MPHOSPH9: variants seen among roughly 807,000 people sequenced by gnomAD.
The protein encoded by MPHOSPH9 is M-phase phosphoprotein 9.
A neutral mutation model predicts 145.5 loss-of-function variants in MPHOSPH9; 88 were observed. That is an observed-to-expected ratio of 0.60 (90% confidence interval 0.51 to 0.72). The LOEUF (loss-of-function observed/expected upper bound fraction) is 0.72. Ranked by LOEUF, MPHOSPH9 falls within the 30% of genes least tolerant of loss-of-function variation. The probability of loss-of-function intolerance (pLI) is 0.00; values close to 1 mark genes in which losing one functional copy is unlikely to be tolerated. For missense variants in MPHOSPH9, 1,238 were observed against 1,386.6 expected (o/e 0.89, Z 1.70); for synonymous variants, 435 against 486.2 (o/e 0.89, Z 1.39).
rs372786238 is a variant in MPHOSPH9, at chr12:123,212,648, T to C, written c.1087+2096A>G. Among the ~76,000 whole-genome samples the C allele has an allele frequency of 2.9e-5, 4 of 136,942 alleles. No individual in the cohort carries two copies. In the South Asian group the frequency reaches 9.8e-4, roughly 34 times the overall value. 89.8% of individuals were successfully genotyped at this position (136,942 alleles called of 152,430 possible). On this transcript the variant is annotated intron_variant, in intron 7 of 23. Coordinates refer to ENST00000606320, the MANE Select transcript of MPHOSPH9 (RefSeq NM_022782.4). ...ATCACTTGAATCTGGCAAGCGGAGG[T>C]TACAGTAAGCCGAGATCACACCATC...
chr12:123,218,412 T>A lies in MPHOSPH9; in HGVS notation c.960A>T (p.Gln320His). The part of the protein sequence containing the change: ...HVEDGGSRSK[Q>H]GNEQSKKTPI... ...GTGTCTTCTTACTTTGCTCATTTCC[T>A]TGTTTAGATCTTGAACCTCCATCTT... Residue 320 changes from glutamine (Q) to histidine (H), a missense_variant, in exon 6 of 24, where the codon CAA (glutamine) becomes CAT (histidine). By Grantham distance (24) the Gln-to-His change is conservative. Around this residue, in one of 3 missense-constraint regions of MPHOSPH9, gnomAD observed 837 missense variants for 897.5 expected, o/e 0.93. Transcript: ENST00000606320. 1 of 1,614,166 alleles carries A rather than the reference T, an allele frequency of 6.2e-7. No individual in the cohort carries two copies.
At chr12:123,181,463 T>C (rs1231356772) in intron 13 of MPHOSPH9, among the ~76,000 whole-genome samples, 3 of 151,978 alleles carry the variant, frequency 2.0e-5, no homozygotes, top group Admixed American at 2.0e-4. Context: ...TCTCAACACT[T>C]TGGGAGGCTG....
intron 15 of MPHOSPH9, 65 bp downstream of exon 15, chr12:123,179,861 G>T: frequency 1.2e-6 from 1 of 867,258 alleles, no homozygotes; most frequent in Non-Finnish European, 1.7e-6. Flanking sequence ...TTCTCATCAT[G>T]TTCAATACAG....
intron 11 of MPHOSPH9, among the ~76,000 whole-genome samples, chr12:123,199,788 CAA>C (rs760965085): frequency 2.9e-4 from 24 of 83,430 alleles, no homozygotes; most frequent in Admixed American, 2.7e-4. Context: ...GACTCCATCT[CAA>C]AAAAAAAAAA....
Position 123,218,394 on chromosome 12 carries a change from C to G in MPHOSPH9, c.978G>C (p.Lys326Asn). Residue 326 changes from lysine to asparagine, a missense_variant, in exon 6 of 24, where the codon AAG becomes AAC. Lys to Asn is a moderately conservative substitution (Grantham distance 94). Transcript: ENST00000606320. ...CACCTACTTTCTCAATTGGTGTCTT[C>G]TTACTTTGCTCATTTCCTTGTTTAG... Reference protein sequence around the residue: ...SRSKQGNEQSKKTPIEKSDFA... With the variant: ...SRSKQGNEQSNKTPIEKSDFA... 6.2e-7 allele frequency: 1 copy of G among 1,614,088 alleles called. No individual in the cohort carries two copies. The highest frequency in any genetic ancestry group is 8.5e-7 in the Non-Finnish European group (1 of 1,179,954).
chr12:123,227,716 C>A, intron 2 of MPHOSPH9, 100 bp from the exon 3 acceptor site: 2 of 986,744 alleles, frequency 2.0e-6, no homozygotes, highest in African/African-American at 1.7e-5. Flanking sequence ...AAACCACTGA[C>A]ATTTAATCCT....
At chr12:123,164,803 G>A (rs1386633516) in intron 18 of MPHOSPH9, among the ~76,000 whole-genome samples, 1 of 152,182 alleles carries the variant, frequency 6.6e-6, no homozygotes. Context: ...GAAGCCAGGA[G>A]TTCGAGACCA....
upstream of MPHOSPH9, among the ~76,000 whole-genome samples, chr12:123,237,279 A>G (rs1475843465): frequency 6.6e-6 from 1 of 151,818 alleles, no homozygotes; most frequent in Non-Finnish European, 1.5e-5. Flanking sequence ...AAAAATACAA[A>G]ATTAGCCGGG....
chr12:123,186,697 A>T (rs1319702289), intron 13 of MPHOSPH9, among the ~76,000 whole-genome samples: 1 of 152,238 alleles, frequency 6.6e-6, no homozygotes, highest in Non-Finnish European at 1.5e-5. Flanking sequence ...ACAGGGGCTC[A>T]TTCCTGTAAT....
At chr12:123,192,489 A>G (rs191157299) in intron 13 of MPHOSPH9, among the ~76,000 whole-genome samples, 4 of 151,436 alleles carry the variant, frequency 2.6e-5, no homozygotes, top group African/African-American at 9.7e-5. Context: ...TTGTCAGGGC[A>G]TAGTGGCATG....
At chr12:123,209,387 T>C (rs935643771) in intron 8 of MPHOSPH9, among the ~76,000 whole-genome samples, 2 of 152,000 alleles carry the variant, frequency 1.3e-5, no homozygotes, top group Admixed American at 6.6e-5. Flanking sequence ...TTAGCAACAA[T>C]TGTAAAACAC....
At chr12:123,178,005 C>T (rs561758062) in intron 15 of MPHOSPH9, among the ~76,000 whole-genome samples, 2 of 152,338 alleles carry the variant, frequency 1.3e-5, no homozygotes, top group South Asian at 2.1e-4. Flanking sequence ...CTCTGGCCAA[C>T]TGACTATTTT....
intron 8 of MPHOSPH9, among the ~76,000 whole-genome samples, chr12:123,205,613 T>C (rs1763351623): frequency 6.6e-6 from 1 of 151,914 alleles, no homozygotes; most frequent in African/African-American, 2.4e-5. Context: ...GCCAATAACC[T>C]AAAGAAGCCT....
chr12:123,219,266 T>G (rs540787490), intron 5 of MPHOSPH9, among the ~76,000 whole-genome samples: 1 of 152,064 alleles, frequency 6.6e-6, no homozygotes, highest in South Asian at 2.1e-4. Flanking sequence ...CATTACTTTT[T>G]TCAATTTCTT....
At chr12:123,191,624 T>C (rs1263407139) in intron 13 of MPHOSPH9, among the ~76,000 whole-genome samples, 6 of 152,158 alleles carry the variant, frequency 3.9e-5, no homozygotes, top group African/African-American at 1.4e-4. Flanking sequence ...GAATACCATT[T>C]TCCATGAAAA....
chr12:123,221,199 G>T (rs566488665), intron 5 of MPHOSPH9, among the ~76,000 whole-genome samples, 173 bp downstream of exon 5: 1 of 152,164 alleles, frequency 6.6e-6, no homozygotes, highest in Non-Finnish European at 1.5e-5. Flanking sequence ...TAACATTACA[G>T]ATGGGAAGAA....
At position 123,156,645 on chromosome 12, in the gene MPHOSPH9, T is replaced by G; in HGVS notation, c.*162A>C. 2.2e-6 allele frequency: 1 copy of G among 454,656 alleles called. No individual in the cohort carries two copies. 28.2% of individuals were successfully genotyped at this position (454,656 alleles called of 1,614,324 possible). A position where few individuals can be genotyped will look rare whatever the true frequency, so the allele number is the denominator to read the frequency against. On this transcript the variant is annotated 3_prime_UTR_variant, in exon 24 of 24. Coordinates refer to ENST00000606320, the MANE Select transcript of MPHOSPH9 (RefSeq NM_022782.4). Reference sequence around the variant, plus strand: ...GAGCATAACAAAAATATCTTGAAAATATGTGGCCATTTGAAGTATAAAATA... The same window carrying G: ...GAGCATAACAAAAATATCTTGAAAAGATGTGGCCATTTGAAGTATAAAATA...
chr12:123,195,458 C>T (rs968218021), intron 12 of MPHOSPH9, among the ~76,000 whole-genome samples: 6 of 151,900 alleles, frequency 3.9e-5, no homozygotes, highest in South Asian at 2.1e-4. Context: ...TAATGGCAGG[C>T]GCCTGTAATC....
exon 1 of MPHOSPH9, chr12:123,243,990 A>T (rs1332956413): frequency 6.6e-6 from 1 of 152,326 alleles, no homozygotes; most frequent in Non-Finnish European, 1.5e-5. Flanking sequence ...GGCTGGGAGC[A>T]AAGCTGTGGA....
Sources: gnomAD v4.1 joint callset for allele counts (sites outside exome capture counted in the v4.1 genomes callset) on GRCh38, gnomAD v4.1.1 for gene constraint, gnomAD v4.1.1 regional missense constraint, MANE v1.5 for transcripts, NCBI Gene and HGNC (gene_info 2026-07-23, HGNC 2026-07-21) for gene names.